DENND1A: variants seen among roughly 807,000 people sequenced by gnomAD.
DENND1A encodes DENN domain-containing protein 1A.
Under a neutral mutation model 113.7 loss-of-function variants are expected in DENND1A, and 51 were observed. The observed-to-expected ratio is 0.45, with a 90% CI of 0.36 to 0.57. The LOEUF (loss-of-function observed/expected upper bound fraction) is 0.57, where lower values mean the gene tolerates loss of function less well. DENND1A is among the 20% of genes least tolerant of loss of function. DENND1A has a pLI of 0.00. For synonymous variants in DENND1A, 565 were observed against 570.8 expected, an observed-to-expected ratio of 0.99 and a Z score of 0.14; for missense variants, 1,258 against 1,395.9, an observed-to-expected ratio of 0.90 and a Z score of 1.57.
At chr9:123,907,736 A>G (rs1254832836) in intron 1 of DENND1A, among the ~76,000 whole-genome samples, 2 of 147,774 alleles carry the variant, frequency 1.4e-5, no homozygotes, top group Non-Finnish European at 3.0e-5. Context: ...GCTCATAGGT[A>G]GGAAGAATCA....
intron 1 of DENND1A, among the ~76,000 whole-genome samples, chr9:123,904,866 G>C (rs1852454407): frequency 6.6e-6 from 1 of 152,094 alleles, no homozygotes; most frequent in Non-Finnish European, 1.5e-5. Context: ...ACGCCACACA[G>C]ATACTCCTTG....
At chr9:123,688,238 G>C (rs1389256426) in intron 5 of DENND1A, among the ~76,000 whole-genome samples, 1 of 152,162 alleles carries the variant, frequency 6.6e-6, no homozygotes, top group Non-Finnish European at 1.5e-5. Context: ...ATCCAGTTCT[G>C]TGTGACTTCC....
intron 18 of DENND1A, among the ~76,000 whole-genome samples, chr9:123,445,126 A>G (rs2047205726): frequency 6.6e-6 from 1 of 152,204 alleles, no homozygotes; most frequent in African/African-American, 2.4e-5. Context: ...CTCTGAGAAG[A>G]AGGCAGGCAC....
At chr9:123,564,233 A>G (rs564145648) in intron 12 of DENND1A, among the ~76,000 whole-genome samples, 137 of 152,338 alleles carry the variant, frequency 9.0e-4, no homozygotes, top group Middle Eastern at 6.8e-3. Context: ...TTAGTGCTCA[A>G]CAAGTAGAGT....
At chr9:123,750,182 G>A (rs1422286706) in intron 5 of DENND1A, among the ~76,000 whole-genome samples, 1 of 152,184 alleles carries the variant, frequency 6.6e-6, no homozygotes, top group Non-Finnish European at 1.5e-5. Flanking sequence ...GCCACTGGGA[G>A]TGCAAGGGCA....
At chr9:123,842,434 T>A (rs531590599) in intron 2 of DENND1A, among the ~76,000 whole-genome samples, 24 of 152,048 alleles carry the variant, frequency 1.6e-4, no homozygotes, top group African/African-American at 4.8e-4. Flanking sequence ...ATGTTACAGC[T>A]CTTTCAGAAT....
intron 2 of DENND1A, among the ~76,000 whole-genome samples, chr9:123,842,247 G>A (rs908425591): frequency 6.6e-6 from 1 of 152,164 alleles, no homozygotes; most frequent in Non-Finnish European, 1.5e-5. Flanking sequence ...TTATCTTGAA[G>A]ATAAATGCCA....
At chr9:123,842,553 A>G (rs1841988117) in intron 2 of DENND1A, among the ~76,000 whole-genome samples, 1 of 152,220 alleles carries the variant, frequency 6.6e-6, no homozygotes, top group South Asian at 2.1e-4. Flanking sequence ...CTCTAGAAAA[A>G]TACAAACTAC....
intron 5 of DENND1A, among the ~76,000 whole-genome samples, chr9:123,727,058 T>C (rs1325090716): frequency 1.3e-5 from 2 of 152,178 alleles, no homozygotes; most frequent in East Asian, 3.9e-4. Context: ...TGTCACAAGA[T>C]CTAAACGGGA....
intron 11 of DENND1A, among the ~76,000 whole-genome samples, chr9:123,594,234 CT>C (rs1313132500): frequency 6.6e-6 from 1 of 152,180 alleles, no homozygotes; most frequent in African/African-American, 2.4e-5. Flanking sequence ...GTATCAGGAA[CT>C]GTGTGACATG....
chr9:123,775,764 C>G (rs7871805), intron 3 of DENND1A, among the ~76,000 whole-genome samples: 5,005 of 152,238 alleles, frequency 0.033, 273 homozygotes, highest in African/African-American at 0.12. Flanking sequence ...TGCCACCAGT[C>G]CTTCAAATCT....
chr9:123,652,721 A>G (rs1453537581), intron 8 of DENND1A, among the ~76,000 whole-genome samples: 1 of 152,232 alleles, frequency 6.6e-6, no homozygotes, highest in Non-Finnish European at 1.5e-5. Flanking sequence ...CTCAGCTGGA[A>G]TTAAGGCAAT....
intron 12 of DENND1A, among the ~76,000 whole-genome samples, chr9:123,564,858 T>C (rs865836041): frequency 2.0e-5 from 3 of 152,218 alleles, no homozygotes; most frequent in Non-Finnish European, 4.4e-5. Flanking sequence ...ACTTCCTCTG[T>C]TGAACTGCTG....
chr9:123,554,532 T>C (rs1207330151), intron 13 of DENND1A, among the ~76,000 whole-genome samples: 1 of 152,238 alleles, frequency 6.6e-6, no homozygotes, highest in Non-Finnish European at 1.5e-5. Context: ...AAATTAAATC[T>C]ATAGTTTAAA....
intron 2 of DENND1A, among the ~76,000 whole-genome samples, chr9:123,837,569 A>G (rs1192916987): frequency 1.3e-5 from 2 of 152,308 alleles, no homozygotes; most frequent in East Asian, 3.9e-4. Context: ...AACGTTATAC[A>G]TATGTAGTTT....
chr9:123,500,953 T>C (rs539079666), intron 13 of DENND1A, among the ~76,000 whole-genome samples: 9 of 152,184 alleles, frequency 5.9e-5, no homozygotes, highest in African/African-American at 1.7e-4. Flanking sequence ...TAGCATAAAA[T>C]TTACTGCCGA....
chr9:123,514,289 G>C lies in DENND1A; in HGVS notation c.993+43281C>G. Among the ~76,000 whole-genome samples, 2 of 152,098 alleles carry C rather than the reference G, an allele frequency of 1.3e-5. 1 individual carries two copies. The highest frequency in any genetic ancestry group is 4.1e-4 in the South Asian group (2 of 4,820). ...CAGGGCAAGGAGGGCCTGAGCCAGG[G>C]GGCAGCCTGGCTCAGGGTGTCAGAG... On this transcript the variant is annotated intron_variant, in intron 13 of 23. Coordinates refer to ENST00000394215, the MANE Select transcript of DENND1A (RefSeq NM_001352964.2).
At chr9:123,862,729 C>T (rs753194705) in intron 2 of DENND1A, among the ~76,000 whole-genome samples, 5 of 152,110 alleles carry the variant, frequency 3.3e-5, no homozygotes, top group Non-Finnish European at 7.4e-5. Context: ...ACCCCTCACC[C>T]CCGAAAAAAG....
chr9:123,549,363 C>G (rs1051950537), intron 13 of DENND1A, among the ~76,000 whole-genome samples: 1 of 152,108 alleles, frequency 6.6e-6, no homozygotes, highest in African/African-American at 2.4e-5. Context: ...AGTCACATCC[C>G]TTATGTGTGT....
Sources: gnomAD v4.1 joint callset for allele counts (sites outside exome capture counted in the v4.1 genomes callset) on GRCh38, gnomAD v4.1.1 for gene constraint, MANE v1.5 for transcripts, NCBI Gene and HGNC (gene_info 2026-07-23, HGNC 2026-07-21) for gene names.